ADAMTS5: variants seen among roughly 807,000 people sequenced by gnomAD.
The protein encoded by ADAMTS5 is ADAM metallopeptidase with thrombospondin type 1 motif 5, also known as A disintegrin and metalloproteinase with thrombospondin motifs 5.
In ADAMTS5, 54 loss-of-function variants were observed where a neutral mutation model predicts 81.4. The ratio of observed to expected loss-of-function variants is 0.66; its 90% confidence interval spans 0.53 to 0.83. ADAMTS5 has a LOEUF of 0.83. ADAMTS5 is among the 40% of genes least tolerant of loss of function. The probability of loss-of-function intolerance (pLI) is 0.00; values close to 1 mark genes in which losing one functional copy is unlikely to be tolerated. For synonymous variants in ADAMTS5, 532 were observed against 508.8 expected, an observed-to-expected ratio of 1.05 and a Z score of -0.61; for missense variants, 1,194 against 1,229.9, an observed-to-expected ratio of 0.97 and a Z score of 0.44.
At chr21:26,924,661 TA>T in intron 7 of ADAMTS5, 41 bp from the exon 8 acceptor site, 23 of 1,491,042 alleles carry the variant, frequency 1.5e-5, no homozygotes, top group South Asian at 2.7e-5. Context: ...GGAAGGTGGT[TA>T]AAAAAAGGGA....
chr21:26,932,411 T>C (rs1267168455), intron 5 of ADAMTS5, among the ~76,000 whole-genome samples: 2 of 152,118 alleles, frequency 1.3e-5, no homozygotes, highest in African/African-American at 4.8e-5. Flanking sequence ...ATCACATATG[T>C]GGCTGGGCGT....
At chr21:26,944,375 A>G (rs1987174154) in intron 2 of ADAMTS5, among the ~76,000 whole-genome samples, 1 of 152,184 alleles carries the variant, frequency 6.6e-6, no homozygotes, top group African/African-American at 2.4e-5. Flanking sequence ...AAGCCTCTCA[A>G]CCAACAATGT....
chr21:26,960,658 G>GT (rs1987512654), intron 1 of ADAMTS5, among the ~76,000 whole-genome samples: 1 of 152,164 alleles, frequency 6.6e-6, no homozygotes, highest in African/African-American at 2.4e-5. Context: ...TGGACTTTCT[G>GT]GACTCCAGAA....
At position 26,966,356 on chromosome 21, in the gene ADAMTS5, C is replaced by T; in HGVS notation, c.36G>A (p.Ala12=). 1 of 1,500,182 alleles carries T rather than the reference C, an allele frequency of 6.7e-7. No homozygotes were observed. The highest frequency in any genetic ancestry group is 8.8e-7 in the Non-Finnish European group (1 of 1,133,602). The allele number at this position is 1,500,182 out of a possible 1,614,324, so 92.9% of individuals were successfully genotyped here. The change falls in exon 1 of 8, where the codon GCG becomes GCA. Residue 12 remains alanine, a synonymous_variant. Coordinates refer to ENST00000284987, the MANE Select transcript of ADAMTS5 (RefSeq NM_007038.5). The part of the protein sequence containing the change: ...LLGWASLLLC[A]FRLPLAAVGP... The stretch of plus-strand genomic sequence containing the variant: ...CGACCGCGGCCAGGGGCAGGCGGAA[C>T]GCGCACAGCAGCAGGGACGCCCACC...
chr21:26,928,877 G>A (rs1316750837), intron 7 of ADAMTS5, among the ~76,000 whole-genome samples: 1 of 151,578 alleles, frequency 6.6e-6, no homozygotes, highest in African/African-American at 2.4e-5. Flanking sequence ...ACAGAAGGTT[G>A]GACTGATCAT....
intron 7 of ADAMTS5, among the ~76,000 whole-genome samples, chr21:26,929,375 C>A (rs565545620): frequency 1.3e-5 from 2 of 152,256 alleles, no homozygotes; most frequent in East Asian, 3.9e-4. Context: ...AGGAGAGAGA[C>A]ACTGCTGTAT....
chr21:26,958,916 T>A (rs998366173), intron 1 of ADAMTS5, among the ~76,000 whole-genome samples: 1 of 152,180 alleles, frequency 6.6e-6, no homozygotes, highest in Non-Finnish European at 1.5e-5. Context: ...GGAAGGATAC[T>A]CTGGCAAGGA....
In ADAMTS5 at chr21:26,966,039, C is replaced by G. The variant is rs1311562802; in HGVS notation, c.353G>C (p.Gly118Ala). Residue 118 changes from glycine to alanine, a missense_variant, in exon 1 of 8, where the codon GGC becomes GCC. By Grantham distance (60) the Gly-to-Ala change is moderately conservative (BLOSUM62 0). Transcript: ENST00000284987. ...VGIAGFVPAG[G>A]GTSAPWRHRS... ...GTGGCGCCAGGGCGCACTCGTCCCG[C>G]CTCCTGCGGGCACGAAGCCAGCAAT... is the stretch of plus-strand genomic sequence containing the variant. The G allele has an allele frequency of 6.2e-7, 1 of 1,613,220 alleles. No individual in the cohort carries two copies.
At position 26,957,447 on chromosome 21, in the gene ADAMTS5, T is replaced by TGATAGATAGATA. The variant is rs3838079; in HGVS notation, c.1105-2588_1105-2577dup. The stretch of plus-strand genomic sequence containing the variant: ...GTGTGTCTATAGATAGATGGATAGA[T>TGATAGATAGATA]GATAGATAGATAGATAGATAGATAG... On this transcript the variant is annotated intron_variant, in intron 1 of 7. Transcript: ENST00000284987. Among the ~76,000 whole-genome samples, 293 of 150,506 alleles carry TGATAGATAGATA rather than the reference T, an allele frequency of 1.9e-3. 1 individual carries two copies. The highest frequency in any genetic ancestry group is 6.4e-3 in the East Asian group (32 of 5,036).
At chr21:26,942,547 A>G (rs1435971510) in intron 3 of ADAMTS5, among the ~76,000 whole-genome samples, 1 of 152,148 alleles carries the variant, frequency 6.6e-6, no homozygotes, top group East Asian at 1.9e-4. Flanking sequence ...GATTCTTTAG[A>G]GTGCTAATGC....
Position 26,965,663 on chromosome 21 carries a change from A to G in ADAMTS5, c.729T>C (p.Ala243=). 2 of 1,591,248 alleles carry G rather than the reference A, an allele frequency of 1.3e-6. No individual in the cohort carries two copies. The highest frequency in any genetic ancestry group is 1.7e-6 in the Non-Finnish European group (2 of 1,171,348). ...GTCCTGAGCCCCCAGCGGGCGAGAG[A>G]GCGGACTGGTCCAAGAGCTGCGAGG... The part of the protein sequence containing the change: ...ALASQLLDQS[A]LSPAGGSGPQ... The change falls in exon 1 of 8, where the codon GCT becomes GCC. Residue 243 remains alanine (A), a synonymous_variant. Transcript: ENST00000284987.
chr21:26,952,357 T>A (rs1331736858), intron 2 of ADAMTS5, among the ~76,000 whole-genome samples: 2 of 152,198 alleles, frequency 1.3e-5, no homozygotes, highest in Non-Finnish European at 2.9e-5. Context: ...TACACACACA[T>A]GTATATATTT....
intron 1 of ADAMTS5, among the ~76,000 whole-genome samples, chr21:26,958,852 G>C (rs1342195621): frequency 6.6e-6 from 1 of 152,234 alleles, no homozygotes; most frequent in Non-Finnish European, 1.5e-5. Flanking sequence ...AATTCTCCTT[G>C]AGGGAATCCA....
intron 1 of ADAMTS5, among the ~76,000 whole-genome samples, chr21:26,959,884 T>A (rs1987496572): frequency 6.6e-6 from 1 of 152,168 alleles, no homozygotes; most frequent in African/African-American, 2.4e-5. Context: ...CTCCTGTAAC[T>A]TCCTTATCTA....
chr21:26,961,758 C>A (rs13052695), intron 1 of ADAMTS5, among the ~76,000 whole-genome samples: 2 of 152,176 alleles, frequency 1.3e-5, no homozygotes, highest in Non-Finnish European at 2.9e-5. Context: ...GCTCTGATTC[C>A]TTGACAAGGG....
At position 26,923,154 on chromosome 21, in the gene ADAMTS5, G is replaced by C. The variant is rs1986732874; in HGVS notation, c.*899C>G. On this transcript the variant is annotated 3_prime_UTR_variant, in exon 8 of 8. Coordinates refer to ENST00000284987, the MANE Select transcript of ADAMTS5 (RefSeq NM_007038.5). ...ATGAAAGCTCTGGAGAGAGAAAGTA[G>C]TTGTGAAAATATAAATTGAAAACAC... is the stretch of plus-strand genomic sequence containing the variant. 6.6e-6 allele frequency: 1 copy of C among 152,120 alleles called. No individual in the cohort carries two copies. The highest frequency in any genetic ancestry group is 2.1e-4 in the South Asian group (1 of 4,824). 9.4% of individuals were successfully genotyped at this position (152,120 alleles called of 1,614,324 possible). A position where few individuals can be genotyped will look rare whatever the true frequency, so the allele number is the denominator to read the frequency against.
rs867628496 is a variant in ADAMTS5 at position 26,932,062 on chromosome 21, A to G, written c.1991T>C (p.Val664Ala). 1 of 1,614,194 alleles carries G rather than the reference A, an allele frequency of 6.2e-7. No individual in the cohort carries two copies. Among genetic ancestry groups the G allele is most frequent in the African/African-American group, 1.3e-5 (1 of 75,054 alleles). ...CTTGGCTCTGCAGGTCAGCTTGCAC[A>G]CATCCGCTGGCAGGACACCTGCATA... Reference protein sequence around the residue: ...PKYAGVLPADVCKLTCRAKGT... With the variant: ...PKYAGVLPADACKLTCRAKGT... The change falls in exon 6 of 8, where the codon GTG becomes GCG. Residue 664 changes from valine (V) to alanine (A), a missense_variant. Transcript: ENST00000284987.
At chr21:26,945,397 A>T (rs967497444) in intron 2 of ADAMTS5, among the ~76,000 whole-genome samples, 3 of 152,190 alleles carry the variant, frequency 2.0e-5, no homozygotes, top group East Asian at 1.9e-4. Context: ...GTTTTTACTT[A>T]AAAAATGTGA....
intron 1 of ADAMTS5, 93 bp from the exon 2 acceptor site, chr21:26,954,964 G>T: frequency 1.4e-6 from 2 of 1,472,338 alleles, no homozygotes; most frequent in South Asian, 1.3e-5. Flanking sequence ...ATGGCAACAG[G>T]GATATGTTTA....
Sources: allele counts gnomAD v4.1 joint callset (sites outside exome capture counted in the v4.1 genomes callset), GRCh38; gene constraint gnomAD v4.1.1; transcripts MANE v1.5; gene names NCBI Gene and HGNC (gene_info 2026-07-23, HGNC 2026-07-21).